Variants in DNAH9 observed in about 807,000 individuals in gnomAD.
DNAH9 encodes dynein axonemal heavy chain 9.
Under a neutral mutation model 471.6 loss-of-function variants are expected in DNAH9, and 345 were observed. The ratio of observed to expected loss-of-function variants is 0.73; its 90% CI spans 0.67 to 0.80. The LOEUF is 0.80. Among genes scored for constraint, DNAH9 ranks in the 30% least tolerant of loss-of-function variants. DNAH9 has a pLI of 0.00. For synonymous variants in DNAH9, 2,093 were observed against 2,123.6 expected (o/e 0.99, Z 0.40); for missense variants, 5,407 against 5,609.2 (o/e 0.96, Z 1.15).
intron 6 of DNAH9, among the ~76,000 whole-genome samples, chr17:11,624,837 A>T (rs1231951084): frequency 6.6e-6 from 1 of 152,090 alleles, no homozygotes; most frequent in Non-Finnish European, 1.5e-5. Context: ...CTACTTTTGT[A>T]CACTCAATTT....
At chr17:11,781,314 T>G (rs1262128579) in intron 39 of DNAH9, 140 bp downstream of exon 39, 5 of 878,520 alleles carry the variant, frequency 5.7e-6, no homozygotes, top group Non-Finnish European at 8.2e-6. Flanking sequence ...AAACCACATT[T>G]CTCATTCAAT....
intron 67 of DNAH9, among the ~76,000 whole-genome samples, chr17:11,952,307 TTC>T (rs1975405306): frequency 1.6e-5 from 2 of 125,158 alleles, no homozygotes; most frequent in Admixed American, 8.7e-5. Context: ...ACCCAGCTAA[TTC>T]TTTTTTTTTT....
chr17:11,859,739 G>A (rs2150975601), intron 50 of DNAH9, among the ~76,000 whole-genome samples: 1 of 152,224 alleles, frequency 6.6e-6, no homozygotes, highest in Non-Finnish European at 1.5e-5. Flanking sequence ...AGAGAGAAGA[G>A]GGAGGTCCCA....
At chr17:11,704,731 G>A (rs1285021248) in intron 25 of DNAH9, among the ~76,000 whole-genome samples, 31 of 152,062 alleles carry the variant, frequency 2.0e-4, no homozygotes, top group African/African-American at 6.8e-4. Flanking sequence ...TTACAGGCAT[G>A]TACCACCACC....
chr17:11,688,885 C>G (rs2074285036), intron 19 of DNAH9, among the ~76,000 whole-genome samples: 1 of 152,054 alleles, frequency 6.6e-6, no homozygotes, highest in Admixed American at 6.6e-5. Flanking sequence ...ATCACGAGGT[C>G]AGGAGTTCAA....
chr17:11,889,541 A>T (rs1434234795), intron 57 of DNAH9, among the ~76,000 whole-genome samples: 1 of 152,182 alleles, frequency 6.6e-6, no homozygotes, highest in Non-Finnish European at 1.5e-5. Flanking sequence ...ATGCCTCCCT[A>T]TTCGGTATTA....
At position 11,653,564 on chromosome 17, in the gene DNAH9, G is replaced by C. The variant is rs77242185; in HGVS notation, c.2595+562G>C. 4.8e-3 allele frequency among the ~76,000 whole-genome samples: 731 copies of C among 152,262 alleles called. 7 individuals carry two copies. The highest frequency in any genetic ancestry group is 0.016 in the African/African-American group (685 of 41,554). ...AGCTTCCTTGTGAACAATGGGAAAGGATTATAAATGGCCACCAGCTCCAGC... is the reference window on the plus strand; with the variant it reads ...AGCTTCCTTGTGAACAATGGGAAAGCATTATAAATGGCCACCAGCTCCAGC... On this transcript the variant is annotated intron_variant, in intron 14 of 68. Coordinates refer to ENST00000262442, the MANE Select transcript of DNAH9 (RefSeq NM_001372.4).
chr17:11,844,680 C>T (rs1971151016), intron 49 of DNAH9, among the ~76,000 whole-genome samples: 1 of 152,194 alleles, frequency 6.6e-6, no homozygotes, highest in African/African-American at 2.4e-5. Context: ...GCTTGGATTA[C>T]AGGCATGAGC....
At chr17:11,619,422 G>A in intron 5 of DNAH9, 126 bp from the exon 6 acceptor site, 1 of 684,582 alleles carries the variant, frequency 1.5e-6, no homozygotes, top group South Asian at 1.8e-5. Flanking sequence ...GGAAAGCGAG[G>A]TCAGATGTTT....
At chr17:11,779,775 A>G (rs1968600668) in intron 38 of DNAH9, among the ~76,000 whole-genome samples, 1 of 152,156 alleles carries the variant, frequency 6.6e-6, no homozygotes, top group African/African-American at 2.4e-5. Context: ...TTTAGGGGGG[A>G]AGAAGGTGTT....
At chr17:11,821,810 A>C in intron 45 of DNAH9, 110 bp from the exon 46 acceptor site, 8 of 1,238,338 alleles carry the variant, frequency 6.5e-6, no homozygotes, top group Non-Finnish European at 9.0e-6. Flanking sequence ...GAGTTGGTAC[A>C]TGGCCTAAAA....
At chr17:11,635,089 G>C (rs945742875) in intron 8 of DNAH9, among the ~76,000 whole-genome samples, 1 of 152,060 alleles carries the variant, frequency 6.6e-6, no homozygotes, top group African/African-American at 2.4e-5. Context: ...TTCTACAAAA[G>C]GTCAGAGAAT....
At chr17:11,840,366 A>G (rs1970989610) in intron 49 of DNAH9, among the ~76,000 whole-genome samples, 1 of 152,178 alleles carries the variant, frequency 6.6e-6, no homozygotes. Flanking sequence ...CATTTATTTA[A>G]TGCTTCATAG....
chr17:11,876,917 C>G (rs887212773), intron 53 of DNAH9, among the ~76,000 whole-genome samples: 1 of 151,494 alleles, frequency 6.6e-6, no homozygotes, highest in Non-Finnish European at 1.5e-5. Flanking sequence ...TAGTAGAGAC[C>G]GGGTTTCACT....
rs1484710410 is a variant in DNAH9, at chr17:11,763,421, C to T, written c.6996-19C>T. 1.9e-6 allele frequency: 3 copies of T among 1,611,218 alleles called. No individual in the cohort carries two copies. Among genetic ancestry groups the T allele is most frequent in the African/African-American group, 1.3e-5 (1 of 74,848 alleles). On this transcript the variant is annotated intron_variant, in intron 35 of 68. Coordinates refer to ENST00000262442, the MANE Select transcript of DNAH9 (RefSeq NM_001372.4). ...GAATATCCTCTGTGTTTCAGATCCC[C>T]TCGGGTCTCTCTTTGCAGGTTTAAG... is the stretch of plus-strand genomic sequence containing the variant.
rs2072918532 is a variant in DNAH9, at chr17:11,623,701, A to G, written c.1350+3920A>G. On this transcript the variant is annotated intron_variant, in intron 6 of 68. Transcript: ENST00000262442. This position sits in a 1 kb window ranked among gnomAD's most constrained non-coding sequence, Gnocchi z 4.1. ...TCCTCTCCAGTAAGAATTATCATGA[A>G]CTTAGCCTTATTCATCTTCTATTCT... Among the ~76,000 whole-genome samples, 2 of 152,154 alleles carry G rather than the reference A, an allele frequency of 1.3e-5. No individual in the cohort carries two copies. Among genetic ancestry groups the G allele is most frequent in the Non-Finnish European group, 2.9e-5 (2 of 68,036 alleles).
At chr17:11,649,620 G>C (rs1249825470) in intron 12 of DNAH9, among the ~76,000 whole-genome samples, 1 of 152,046 alleles carries the variant, frequency 6.6e-6, no homozygotes, top group South Asian at 2.1e-4. Flanking sequence ...TTATCAACTT[G>C]TTCTTTAGAA....
At position 11,603,517 on chromosome 17, in the gene DNAH9, A is replaced by C. The variant is rs573188958; in HGVS notation, c.417+4602A>C. ...CTGTTTGTGCTGCCCTCTGATGCCA[A>C]CCCTAAGGCTGAAACTGCTGCCTGT... On this transcript the variant is annotated intron_variant, in intron 1 of 68. Transcript: ENST00000262442. 3.9e-5 allele frequency among the ~76,000 whole-genome samples: 6 copies of C among 152,224 alleles called. No individual in the cohort carries two copies. In the East Asian group the frequency reaches 1.2e-3, roughly 29 times the overall value.
At chr17:11,883,804 A>G in intron 56 of DNAH9, 54 bp downstream of exon 56, 4 of 1,563,288 alleles carry the variant, frequency 2.6e-6, no homozygotes, top group East Asian at 2.2e-5. Flanking sequence ...GTCCTCCTAC[A>G]ATTTTCTCTC....
Sources: allele counts gnomAD v4.1 joint callset (sites outside exome capture counted in the v4.1 genomes callset), GRCh38; gene constraint gnomAD v4.1.1; non-coding constraint Gnocchi (gnomAD v3.1); transcripts MANE v1.5; gene names NCBI Gene and HGNC (gene_info 2026-07-23, HGNC 2026-07-21).